CANT1: variants seen among roughly 807,000 people sequenced by gnomAD.
CANT1 encodes calcium activated nucleotidase 1, also known as soluble calcium-activated nucleotidase 1.
A neutral mutation model predicts 30.0 loss-of-function variants in CANT1; 26 were observed. The ratio of observed to expected loss-of-function variants is 0.87; its 90% CI spans 0.64 to 1.20. The LOEUF (loss-of-function observed/expected upper bound fraction) is 1.20. Among genes scored for constraint, CANT1 ranks in the 50% most tolerant of loss-of-function variants. CANT1 has a pLI of 0.00. For synonymous variants in CANT1, 246 were observed against 251.8 expected, an observed-to-expected ratio of 0.98 and a Z score of 0.22; for missense variants, 518 against 563.0, an observed-to-expected ratio of 0.92 and a Z score of 0.81.
rs536348686 is a variant in CANT1, at chr17:78,994,391, A to G, written c.836-471T>C. 2.6e-5 allele frequency among the ~76,000 whole-genome samples: 4 copies of G among 152,310 alleles called. No homozygotes were observed. The East Asian group carries it at 7.7e-4, about 29-fold the overall frequency. On this transcript the variant is annotated intron_variant, in intron 4 of 4. Transcript: ENST00000392446. ...ACTCCATCCTGACTAGGGGGAGGCCAAAGTGCTGCTGGCCCTATGTTGGTG... is the reference window on the plus strand; with the variant it reads ...ACTCCATCCTGACTAGGGGGAGGCCGAAGTGCTGCTGGCCCTATGTTGGTG...
In CANT1 at chr17:78,995,926, G is replaced by A. The variant is rs887252341; in HGVS notation, c.632-705C>T. Among the ~76,000 whole-genome samples, 8 of 151,968 alleles carry A rather than the reference G, an allele frequency of 5.3e-5. No homozygotes were observed. The highest frequency in any genetic ancestry group is 8.8e-5 in the Non-Finnish European group (6 of 68,018). On this transcript the variant is annotated intron_variant, in intron 3 of 4. Coordinates refer to ENST00000392446, the MANE Select transcript of CANT1 (RefSeq NM_001159773.2). The surrounding 1 kb of genome is among the most constrained non-coding windows in gnomAD (Gnocchi z 5.7). ...CCCTGGAGGGACCTGCGGTCTCCTG[G>A]TCTGCTTGTGCGATGAGACATTCTC... is the stretch of plus-strand genomic sequence containing the variant.
At chr17:79,000,907 A>T (rs2071235054) in intron 1 of CANT1, among the ~76,000 whole-genome samples, 1 of 152,128 alleles carries the variant, frequency 6.6e-6, no homozygotes, top group South Asian at 2.1e-4. Flanking sequence ...CAGCCCCAGC[A>T]CCTGACGCAC....
At chr17:78,994,150 C>G (rs986075290) in intron 4 of CANT1, among the ~76,000 whole-genome samples, 4 of 152,186 alleles carry the variant, frequency 2.6e-5, no homozygotes, top group African/African-American at 9.6e-5. Flanking sequence ...CCCGTTCCAC[C>G]GAGAGCTGCC....
chr17:78,993,533 A>T lies in CANT1; in HGVS notation c.*17T>A, dbSNP rs761806116. Reference sequence around the variant, plus strand: ...AAGCTGAGTCCTGATGGCCTTGCTCAGTGTTTCCGTTTTGAGTTAAATGAA... The same window carrying T: ...AAGCTGAGTCCTGATGGCCTTGCTCTGTGTTTCCGTTTTGAGTTAAATGAA... On this transcript the variant is annotated 3_prime_UTR_variant, in exon 5 of 5. Coordinates refer to ENST00000392446, the MANE Select transcript of CANT1 (RefSeq NM_001159773.2). This position sits in a 1 kb window ranked among gnomAD's most constrained non-coding sequence, Gnocchi z 4.5. The T allele has an allele frequency of 1.2e-6, 2 of 1,614,180 alleles. No individual in the cohort carries two copies. The highest frequency in any genetic ancestry group is 2.2e-5 in the South Asian group (2 of 91,072).
chr17:78,999,238 C>T lies in CANT1; in HGVS notation c.-146-1275G>A, dbSNP rs368706469. ...GGGCTGCCAGCAGTTCCTCCAGGCC[C>T]GCAGGGAAGACTCCATGCTCCCTTT... On this transcript the variant is annotated intron_variant, in intron 1 of 4. Transcript: ENST00000392446. Among the ~76,000 whole-genome samples the T allele has an allele frequency of 3.2e-3, 490 of 152,234 alleles. 1 individual carries two copies. The highest frequency in any genetic ancestry group is 0.011 in the African/African-American group (467 of 41,530).
In CANT1 at chr17:78,997,364, A is replaced by T. The variant is rs771367044; in HGVS notation, c.259T>A (p.Tyr87Asn). ...GGAGACAGGGGGTAGGTGTCATTGT[A>T]CCAGTTGGCGGGCGCCTGGCCGAGC... ...WRLGQAPANWYNDTYPLSPPQ... is the reference protein window; with the variant it reads ...WRLGQAPANWNNDTYPLSPPQ... The change falls in exon 3 of 5, where the codon TAC becomes AAC. Residue 87 changes from tyrosine (Y) to asparagine (N), a missense_variant. Tyr to Asn is a moderately radical substitution (Grantham distance 143). Around this residue, in one of 3 missense-constraint regions of CANT1, gnomAD observed 249 missense variants for 268.8 expected, o/e 0.93. Coordinates refer to ENST00000392446, the MANE Select transcript of CANT1 (RefSeq NM_001159773.2). This position sits in a 1 kb window ranked among gnomAD's most constrained non-coding sequence, Gnocchi z 7.5. 5.0e-6 allele frequency: 8 copies of T among 1,611,698 alleles called. No individual in the cohort carries two copies. Among genetic ancestry groups the T allele is most frequent in the Non-Finnish European group, 5.9e-6 (7 of 1,179,304 alleles).
Position 78,993,521 on chromosome 17 carries a change from A to G in CANT1, c.*29T>C, listed in dbSNP as rs775424943. ...TTGTTTTTATAAAAGCTGAGTCCTG[A>G]TGGCCTTGCTCAGTGTTTCCGTTTT... On this transcript the variant is annotated 3_prime_UTR_variant, in exon 5 of 5. Coordinates refer to ENST00000392446, the MANE Select transcript of CANT1 (RefSeq NM_001159773.2). The surrounding 1 kb of genome is among the most constrained non-coding windows in gnomAD (Gnocchi z 4.5). 3.1e-6 allele frequency: 5 copies of G among 1,614,148 alleles called. No homozygotes were observed. Among genetic ancestry groups the G allele is most frequent in the Non-Finnish European group, 3.4e-6 (4 of 1,180,022 alleles).
Position 78,997,646 on chromosome 17 carries a change from TGCACAGCCA to T in CANT1, c.-22-11_-22-3del. ...ATCAGCGTGACAGACAGGCGGGACC[TGCACAGCCA>T]GGGAGGGAGGAGAGGAGTCAGCGCC... is the stretch of plus-strand genomic sequence containing the variant. On this transcript the variant is annotated splice_polypyrimidine_tract_variant and splice_region_variant and intron_variant, in intron 2 of 4. Coordinates refer to ENST00000392446, the MANE Select transcript of CANT1 (RefSeq NM_001159773.2). The surrounding 1 kb of genome is among the most constrained non-coding windows in gnomAD (Gnocchi z 7.5). 1 of 1,546,286 alleles carries T rather than the reference TGCACAGCCA, an allele frequency of 6.5e-7. No individual in the cohort carries two copies. The highest frequency in any genetic ancestry group is 1.2e-5 in the South Asian group (1 of 80,730).
In CANT1 at chr17:78,998,539, G is replaced by A. The variant is rs2071122896; in HGVS notation, c.-146-576C>T. ...TCTCCCAGCTCACCCTCCACCCCAGGCGTGGCTCTGTGGCAGAGCCCCAGG... is the reference window on the plus strand; with the variant it reads ...TCTCCCAGCTCACCCTCCACCCCAGACGTGGCTCTGTGGCAGAGCCCCAGG... On this transcript the variant is annotated intron_variant, in intron 1 of 4. Transcript: ENST00000392446. The surrounding 1 kb of genome is among the most constrained non-coding windows in gnomAD (Gnocchi z 4.5). Among the ~76,000 whole-genome samples, 2 of 152,238 alleles carry A rather than the reference G, an allele frequency of 1.3e-5. No homozygotes were observed. The highest frequency in any genetic ancestry group is 1.3e-4 in the Admixed American group (2 of 15,288).
chr17:78,993,808 G>C lies in CANT1; in HGVS notation c.948C>G (p.Gly316=). ...RYSEKDDERK[G]ANLLLSASPD... is the part of the protein sequence containing the mutation. ...GGGAGGCGCTCAGCAGCAGGTTGGC[G>C]CCCTTGCGCTCGTCGTCCTTCTCGC... Residue 316 remains glycine (G), a synonymous_variant, in exon 5 of 5, where the codon GGC becomes GGG. Transcript: ENST00000392446. The surrounding 1 kb of genome is among the most constrained non-coding windows in gnomAD (Gnocchi z 4.5). 6.2e-7 allele frequency: 1 copy of C among 1,608,588 alleles called. No individual in the cohort carries two copies. The highest frequency in any genetic ancestry group is 8.5e-7 in the Non-Finnish European group (1 of 1,178,048).
At position 78,993,623 on chromosome 17, in the gene CANT1, G is replaced by A. The variant is rs751200931; in HGVS notation, c.1133C>T (p.Thr378Met). The part of the protein sequence containing the change: ...GRVASYIMAF[T>M]LDGRFLLPET... ...CGGCAACAGGAAGCGCCCGTCCAGCGTGAAGGCCATGATGTAGGAGGCGAC... is the reference window on the plus strand; with the variant it reads ...CGGCAACAGGAAGCGCCCGTCCAGCATGAAGGCCATGATGTAGGAGGCGAC... The change falls in exon 5 of 5, where the codon ACG becomes ATG. Residue 378 changes from threonine (T) to methionine (M), a missense_variant. Thr to Met is a moderately conservative substitution (Grantham distance 81). Around this residue, in one of 3 missense-constraint regions of CANT1, gnomAD observed 221 missense variants for 211.8 expected, o/e 1.04. Transcript: ENST00000392446. The surrounding 1 kb of genome is among the most constrained non-coding windows in gnomAD (Gnocchi z 4.5). 19 of 1,614,258 alleles carry A rather than the reference G, an allele frequency of 1.2e-5. No individual in the cohort carries two copies. The highest frequency in any genetic ancestry group is 1.0e-4 in the Admixed American group (6 of 60,032).
Position 78,992,905 on chromosome 17 carries a change from A to G in CANT1, c.*645T>C. ...CTGCACAGCCACAGAATTTTCTTGA[A>G]GGGAGAAAGCGGTCACTGGCCATAT... On this transcript the variant is annotated 3_prime_UTR_variant, in exon 5 of 5. Transcript: ENST00000392446. 1 of 371,072 alleles carries G rather than the reference A, an allele frequency of 2.7e-6. No homozygotes were observed. The highest frequency in any genetic ancestry group is 5.2e-6 in the Non-Finnish European group (1 of 193,340). 23.0% of individuals were successfully genotyped at this position (371,072 alleles called of 1,614,324 possible).
Position 78,993,541 on chromosome 17 carries a change from C to T in CANT1, c.*9G>A, listed in dbSNP as rs190867364. ...TCCTGATGGCCTTGCTCAGTGTTTC[C>T]GTTTTGAGTTAAATGAACTCGATGC... On this transcript the variant is annotated 3_prime_UTR_variant, in exon 5 of 5. Coordinates refer to ENST00000392446, the MANE Select transcript of CANT1 (RefSeq NM_001159773.2). The surrounding 1 kb of genome is among the most constrained non-coding windows in gnomAD (Gnocchi z 4.5). 3.2e-4 allele frequency: 524 copies of T among 1,614,176 alleles called. 1 individual carries two copies. In the African/African-American group the frequency reaches 4.3e-3, roughly 13 times the overall value.
intron 1 of CANT1, among the ~76,000 whole-genome samples, chr17:79,006,753 T>C (rs1019624943): frequency 4.6e-5 from 7 of 152,332 alleles, no homozygotes; most frequent in Middle Eastern, 3.4e-3. Flanking sequence ...TTCCAGAGTG[T>C]GTGAAAATAA....
rs946075754 is a variant in CANT1, at chr17:78,997,886, T to C, written c.-69A>G. The C allele has an allele frequency of 9.8e-6, 4 of 409,320 alleles. No homozygotes were observed. Among genetic ancestry groups the C allele is most frequent in the African/African-American group, 8.0e-5 (4 of 49,784 alleles). The allele number at this position is 409,320 out of a possible 1,614,324, so 25.4% of individuals were successfully genotyped here. A position where few individuals can be genotyped will look rare whatever the true frequency, so the allele number is the denominator to read the frequency against. ...GTCTTTCCACAGCAAAATTACTCCA[T>C]CTCCCCTGTCCCAGCTGGCAACGTG... On this transcript the variant is annotated 5_prime_UTR_variant, in exon 2 of 5. An upstream start codon of the reference 5' UTR is lost. Coordinates refer to ENST00000392446, the MANE Select transcript of CANT1 (RefSeq NM_001159773.2). This position sits in a 1 kb window ranked among gnomAD's most constrained non-coding sequence, Gnocchi z 7.5.
Position 78,993,623 on chromosome 17 carries a change from G to C in CANT1, c.1133C>G (p.Thr378Arg). Residue 378 changes from threonine to arginine, a missense_variant, in exon 5 of 5, where the codon ACG (threonine) becomes AGG (arginine). By Grantham distance (71) the Thr-to-Arg change is moderately conservative (BLOSUM62 -1). This residue lies in a region of CANT1 where 221 missense variants were observed against 211.8 expected (regional missense o/e 1.04). Coordinates refer to ENST00000392446, the MANE Select transcript of CANT1 (RefSeq NM_001159773.2). The surrounding 1 kb of genome is among the most constrained non-coding windows in gnomAD (Gnocchi z 4.5). ...CGGCAACAGGAAGCGCCCGTCCAGC[G>C]TGAAGGCCATGATGTAGGAGGCGAC... is the stretch of plus-strand genomic sequence containing the variant. The part of the protein sequence containing the change: ...GRVASYIMAF[T>R]LDGRFLLPET... 5.6e-6 allele frequency: 9 copies of C among 1,614,258 alleles called. No individual in the cohort carries two copies. The highest frequency in any genetic ancestry group is 7.6e-6 in the Non-Finnish European group (9 of 1,180,048).
In CANT1 at chr17:78,997,191, G is replaced by A. The variant is rs771723898; in HGVS notation, c.432C>T (p.Ala144=). 10 of 1,614,020 alleles carry A rather than the reference G, an allele frequency of 6.2e-6. No homozygotes were observed. The African/African-American group carries it at 8.0e-5, about 13-fold the overall frequency. Residue 144 remains alanine, a synonymous_variant, in exon 3 of 5, where the codon GCC becomes GCT. Transcript: ENST00000392446. The surrounding 1 kb of genome is among the most constrained non-coding windows in gnomAD (Gnocchi z 7.5). ...CCCCATGGTCTTTGTCCCATTCCAC[G>A]GCCACCTTGTCCCCACTGTCTGACA... ...LTLSDSGDKV[A]VEWDKDHGVL... is the part of the protein sequence containing the mutation.
Position 78,993,775 on chromosome 17 carries a change from G to A in CANT1, c.981C>T (p.Phe327=), listed in dbSNP as rs758890190. The change falls in exon 5 of 5, where the codon TTC becomes TTT. Residue 327 remains phenylalanine, a synonymous_variant. Transcript: ENST00000392446. This position sits in a 1 kb window ranked among gnomAD's most constrained non-coding sequence, Gnocchi z 4.5. The stretch of plus-strand genomic sequence containing the variant: ...CGACGTGGCTCACAGCGATGTCGCC[G>A]AAGTCAGGGGAGGCGCTCAGCAGCA... ...ANLLLSASPD[F]GDIAVSHVGA... 17 of 1,612,632 alleles carry A rather than the reference G, an allele frequency of 1.1e-5. No homozygotes were observed. The highest frequency in any genetic ancestry group is 5.5e-5 in the South Asian group (5 of 91,086).
Position 78,993,575 on chromosome 17 carries a change from T to C in CANT1, c.1181A>G (p.Lys394Arg), listed in dbSNP as rs749798043. The C allele has an allele frequency of 1.9e-6, 3 of 1,614,214 alleles. No individual in the cohort carries two copies. Among genetic ancestry groups the C allele is most frequent in the Non-Finnish European group, 2.5e-6 (3 of 1,180,036 alleles). ...TTAAATGAACTCGATGCCTTCGTAT[T>C]TCACGCTTCCGATCTTGGTCTCCGG... ...LLPETKIGSVKYEGIEFI is the reference protein window; with the variant it reads ...LLPETKIGSVRYEGIEFI The change falls in exon 5 of 5, where the codon AAA becomes AGA. Residue 394 changes from lysine to arginine, a missense_variant. Lys to Arg is a conservative substitution (Grantham distance 26). This residue lies in a region of CANT1 where 221 missense variants were observed against 211.8 expected (regional missense o/e 1.04). Transcript: ENST00000392446. This position sits in a 1 kb window ranked among gnomAD's most constrained non-coding sequence, Gnocchi z 4.5.
Sources: allele counts gnomAD v4.1 joint callset (sites outside exome capture counted in the v4.1 genomes callset), GRCh38; gene constraint gnomAD v4.1.1; regional missense constraint gnomAD v4.1.1; non-coding constraint Gnocchi (gnomAD v3.1); transcripts MANE v1.5; gene names NCBI Gene and HGNC (gene_info 2026-07-23, HGNC 2026-07-21).